FRAS1: variants seen among roughly 807,000 people sequenced by gnomAD.
FRAS1 encodes the protein Fraser extracellular matrix complex subunit 1.
A neutral mutation model predicts 435.2 loss-of-function variants in FRAS1; 290 were observed. That is an observed-to-expected ratio of 0.67 (90% confidence interval 0.61 to 0.73). The LOEUF is 0.73. Among genes scored for constraint, FRAS1 ranks in the 30% least tolerant of loss-of-function variants. The pLI is 0.00. For synonymous variants in FRAS1, 1,800 were observed against 1,851.0 expected (o/e 0.97, Z 0.71); for missense variants, 4,860 against 5,001.5 (o/e 0.97, Z 0.85).
intron 2 of FRAS1, among the ~76,000 whole-genome samples, chr4:78,099,663 C>G (rs1195334485): frequency 6.6e-6 from 1 of 152,180 alleles, no homozygotes; most frequent in African/African-American, 2.4e-5. Flanking sequence ...CACCAGGTCA[C>G]ATACAGTGAG....
At chr4:78,222,768 G>A (rs993282178) in intron 2 of FRAS1, among the ~76,000 whole-genome samples, 1 of 152,110 alleles carries the variant, frequency 6.6e-6, no homozygotes, top group Non-Finnish European at 1.5e-5. Flanking sequence ...CAAAGGCACA[G>A]CTCTGCAAAC....
At chr4:78,361,378 G>C (rs22078) in intron 20 of FRAS1, among the ~76,000 whole-genome samples, 98,155 of 152,104 alleles carry the variant, frequency 0.65, 32,258 homozygotes, top group Non-Finnish European at 0.67. Context: ...ATTAATTTGG[G>C]TCTCAGGATA....
At chr4:78,228,572 G>A (rs940332359) in intron 2 of FRAS1, among the ~76,000 whole-genome samples, 1 of 152,254 alleles carries the variant, frequency 6.6e-6, no homozygotes, top group African/African-American at 2.4e-5. Flanking sequence ...TATTTTGTGT[G>A]TGTATGTGTG....
intron 38 of FRAS1, among the ~76,000 whole-genome samples, chr4:78,434,053 T>C (rs1734316965): frequency 6.6e-6 from 1 of 152,222 alleles, no homozygotes; most frequent in Non-Finnish European, 1.5e-5. Context: ...TAGAAGGATT[T>C]TGTACTAAGA....
At chr4:78,340,823 C>T (rs940015212) in intron 20 of FRAS1, among the ~76,000 whole-genome samples, 13 of 152,166 alleles carry the variant, frequency 8.5e-5, no homozygotes, top group African/African-American at 2.7e-4. Context: ...CCCCTGTTTC[C>T]CTCCGCATGT....
intron 20 of FRAS1, among the ~76,000 whole-genome samples, chr4:78,362,080 G>C (rs1322672392): frequency 6.6e-6 from 1 of 152,142 alleles, no homozygotes; most frequent in Non-Finnish European, 1.5e-5. Flanking sequence ...GGGCTGTCTG[G>C]ACAAAATAAT....
intron 56 of FRAS1, among the ~76,000 whole-genome samples, chr4:78,480,010 T>C (rs1031214031): frequency 2.6e-5 from 4 of 152,216 alleles, no homozygotes; most frequent in African/African-American, 9.7e-5. Flanking sequence ...GCATGTAATA[T>C]ATAATAATCA....
In FRAS1 at chr4:78,286,515, T is replaced by A; in HGVS notation, c.1510T>A (p.Tyr504Asn). Residue 504 changes from tyrosine (Y) to asparagine (N), a missense_variant, in exon 14 of 74, where the codon TAC (tyrosine) becomes AAC (asparagine). By Grantham distance (143) the Tyr-to-Asn change is moderately radical. Transcript: ENST00000512123. ...TGTGCCTACCTGTGGGGACGGCTTC[T>A]ACCAAGATCGCCATTCCTGTGCAGG... ...QCVPTCGDGFYQDRHSCAVCH... is the reference protein window; with the variant it reads ...QCVPTCGDGFNQDRHSCAVCH... The A allele has an allele frequency of 1.2e-6, 2 of 1,613,200 alleles. No homozygotes were observed. The highest frequency in any genetic ancestry group is 2.2e-5 in the South Asian group (2 of 91,054).
At chr4:78,384,264 C>A in intron 28 of FRAS1, 121 bp downstream of exon 28, 1 of 735,376 alleles carries the variant, frequency 1.4e-6, no homozygotes, top group South Asian at 2.2e-5. Flanking sequence ...TCTTGGTTTC[C>A]TCTTGAGATG....
chr4:78,260,516 G>T (rs1578212454), intron 6 of FRAS1, among the ~76,000 whole-genome samples: 1 of 151,498 alleles, frequency 6.6e-6, no homozygotes, highest in African/African-American at 2.4e-5. Context: ...TCTGTTGTTG[G>T]TGTATAAGAA....
chr4:78,497,410 G>C lies in FRAS1; in HGVS notation c.9115+449G>C, dbSNP rs116513552. On this transcript the variant is annotated intron_variant, in intron 60 of 73. Coordinates refer to ENST00000512123, the MANE Select transcript of FRAS1 (RefSeq NM_025074.7). ...CTAACCTAAAAAAAAAAAAACTTAAGCTCTATAGTCAGGTGTTAGCCAAGA... is the reference window on the plus strand; with the variant it reads ...CTAACCTAAAAAAAAAAAAACTTAACCTCTATAGTCAGGTGTTAGCCAAGA... Among the ~76,000 whole-genome samples, 637 of 151,896 alleles carry C rather than the reference G, an allele frequency of 4.2e-3. 8 individuals carry two copies. Among genetic ancestry groups the C allele is most frequent in the African/African-American group, 0.015 (602 of 41,402 alleles).
intron 14 of FRAS1, among the ~76,000 whole-genome samples, chr4:78,305,720 T>A (rs1728676180): frequency 6.6e-6 from 1 of 151,998 alleles, no homozygotes; most frequent in African/African-American, 2.4e-5. Context: ...GCTTGGTAGA[T>A]CTTTCTCTAT....
At chr4:78,287,920 C>T (rs1727689471) in intron 14 of FRAS1, among the ~76,000 whole-genome samples, 1 of 152,102 alleles carries the variant, frequency 6.6e-6, no homozygotes, top group South Asian at 2.1e-4. Context: ...GAATAGCTTC[C>T]GAGTTTGGCT....
intron 14 of FRAS1, among the ~76,000 whole-genome samples, chr4:78,304,956 G>A (rs976966287): frequency 2.0e-5 from 3 of 151,972 alleles, no homozygotes; most frequent in Admixed American, 2.0e-4. Context: ...GTGATGTCAG[G>A]GTGTCAATTT....
At chr4:78,305,910 G>A (rs1728687823) in intron 14 of FRAS1, among the ~76,000 whole-genome samples, 1 of 151,050 alleles carries the variant, frequency 6.6e-6, no homozygotes, top group African/African-American at 2.4e-5. Flanking sequence ...TCATTATGAT[G>A]TTAGCTGCTT....
intron 27 of FRAS1, among the ~76,000 whole-genome samples, chr4:78,382,574 G>T (rs1358404412): frequency 6.6e-6 from 1 of 152,116 alleles, no homozygotes; most frequent in African/African-American, 2.4e-5. Flanking sequence ...GAGAGGGACA[G>T]GACTTAAATG....
intron 5 of FRAS1, 96 bp from the exon 6 acceptor site, chr4:78,255,146 C>T: frequency 8.2e-7 from 1 of 1,222,022 alleles, no homozygotes; most frequent in Admixed American, 2.0e-5. Context: ...GTGCACTGGG[C>T]TTCTGACCAA....
At chr4:78,305,471 C>T (rs954297823) in intron 14 of FRAS1, among the ~76,000 whole-genome samples, 10 of 150,282 alleles carry the variant, frequency 6.7e-5, no homozygotes, top group Admixed American at 4.0e-4. Flanking sequence ...GTGTTAAAGT[C>T]TCCCATTATT....
intron 47 of FRAS1, among the ~76,000 whole-genome samples, chr4:78,457,955 A>G (rs936138734): frequency 3.9e-5 from 6 of 152,200 alleles, no homozygotes; most frequent in Non-Finnish European, 8.8e-5. Flanking sequence ...CCATAATATC[A>G]TCTCAACCAG....
Sources: gnomAD v4.1 joint callset for allele counts (sites outside exome capture counted in the v4.1 genomes callset) on GRCh38, gnomAD v4.1.1 for gene constraint, MANE v1.5 for transcripts, NCBI Gene and HGNC (gene_info 2026-07-23, HGNC 2026-07-21) for gene names.